LIN28A: variants seen among roughly 807,000 people sequenced by gnomAD.
LIN28A encodes lin-28 RNA binding posttranscriptional regulator A, also known as protein lin-28 homolog A.
In LIN28A, 11 loss-of-function variants were observed where a neutral mutation model predicts 21.1. That is an observed-to-expected ratio of 0.52 (90% CI 0.33 to 0.86). The LOEUF is 0.86. LIN28A is among the 40% of genes least tolerant of loss of function. The pLI, the probability that LIN28A is intolerant of heterozygous loss-of-function variation, is 0.03. For missense variants in LIN28A, 219 were observed against 279.8 expected (o/e 0.78, Z 1.55); for synonymous variants, 111 against 108.7 (o/e 1.02, Z -0.13).
At chr1:26,410,953 T>G in intron 1 of LIN28A, 31 bp downstream of exon 1, 5 of 1,600,450 alleles carry the variant, frequency 3.1e-6, no homozygotes, top group Non-Finnish European at 3.4e-6. Flanking sequence ...GGGGACACTT[T>G]AGGATTCAGG....
rs564027543 is a variant in LIN28A, at chr1:26,427,329, G to A, written c.*871G>A. ...ACTTTTTGTTGTTTTTGCCACCGTG[G>A]AGAGCAACTATTTGGAGTGCACAGC... On this transcript the variant is annotated 3_prime_UTR_variant, in exon 4 of 4. Coordinates refer to ENST00000326279, the MANE Select transcript of LIN28A (RefSeq NM_024674.6). 2.6e-5 allele frequency: 4 copies of A among 152,660 alleles called. No homozygotes were observed. The highest frequency in any genetic ancestry group is 6.5e-5 in the Admixed American group (1 of 15,284). The allele number at this position is 152,660 out of a possible 1,614,324, so 9.5% of individuals were successfully genotyped here. A position where few individuals can be genotyped will look rare whatever the true frequency, so the allele number is the denominator to read the frequency against.
At chr1:26,412,751 T>G (rs2074968592) in intron 2 of LIN28A, among the ~76,000 whole-genome samples, 1 of 150,774 alleles carries the variant, frequency 6.6e-6, no homozygotes, top group South Asian at 2.1e-4. Context: ...GGGGGAGGGG[T>G]AGAGAAGGGA....
At chr1:26,412,683 G>A (rs2074968189) in intron 2 of LIN28A, among the ~76,000 whole-genome samples, 1 of 152,090 alleles carries the variant, frequency 6.6e-6, no homozygotes, top group South Asian at 2.1e-4. Context: ...GAGGTGTGGG[G>A]GAGGGGAAAG....
intron 2 of LIN28A, among the ~76,000 whole-genome samples, chr1:26,420,802 G>A (rs905185051): frequency 2.6e-5 from 4 of 151,968 alleles, no homozygotes; most frequent in South Asian, 4.2e-4. Flanking sequence ...TTTCTATGAC[G>A]ACTACTCCTT....
At position 26,426,651 on chromosome 1, in the gene LIN28A, G is replaced by A; in HGVS notation, c.*193G>A. 1 of 583,010 alleles carries A rather than the reference G, an allele frequency of 1.7e-6. No homozygotes were observed. Among genetic ancestry groups the A allele is most frequent in the Non-Finnish European group, 3.1e-6 (1 of 320,018 alleles). 36.1% of individuals were successfully genotyped at this position (583,010 alleles called of 1,614,324 possible). On this transcript the variant is annotated 3_prime_UTR_variant, in exon 4 of 4. Transcript: ENST00000326279. ...GTCAAAGGAACTCCAACCATGCTCT[G>A]TCCAAATGCAAGTGAGGGTTCTGGG...
chr1:26,415,114 A>G (rs1389462011), intron 2 of LIN28A, among the ~76,000 whole-genome samples: 1 of 152,164 alleles, frequency 6.6e-6, no homozygotes, highest in African/African-American at 2.4e-5. Context: ...TCAATCTCAA[A>G]TATGTTTAAA....
intron 2 of LIN28A, among the ~76,000 whole-genome samples, chr1:26,412,565 T>C (rs966818884): frequency 6.6e-6 from 1 of 151,984 alleles, no homozygotes; most frequent in Non-Finnish European, 1.5e-5. Flanking sequence ...CCTTCCATCT[T>C]TGGAGGTTTG....
At chr1:26,424,679 G>A (rs962973315) in intron 2 of LIN28A, among the ~76,000 whole-genome samples, 1 of 151,824 alleles carries the variant, frequency 6.6e-6, no homozygotes, top group Non-Finnish European at 1.5e-5. Flanking sequence ...TTTAAATTTC[G>A]TAATTTTATA....
rs375419502 is a variant in LIN28A at position 26,415,333 on chromosome 1, G to C, written c.228+3751G>C. ...ATTCAGGGTCTAGGTTAGGACTGCT[G>C]GGTTTGGTGTTAGGGTTGCGGGGGC... On this transcript the variant is annotated intron_variant, in intron 2 of 3. Coordinates refer to ENST00000326279, the MANE Select transcript of LIN28A (RefSeq NM_024674.6). Among the ~76,000 whole-genome samples the C allele has an allele frequency of 4.6e-5, 7 of 152,290 alleles. No individual in the cohort carries two copies. The South Asian group carries it at 1.5e-3, about 32-fold the overall frequency.
rs1367950086 is a variant in LIN28A at position 26,411,897 on chromosome 1, T to C, written c.228+315T>C. The stretch of plus-strand genomic sequence containing the variant: ...CATGTGGCAGAAACTAAGGTTGTAT[T>C]GTGCTTGCCGGTGGGGGGAGGGCGA... On this transcript the variant is annotated intron_variant, in intron 2 of 3. Coordinates refer to ENST00000326279, the MANE Select transcript of LIN28A (RefSeq NM_024674.6). The surrounding 1 kb of genome is among the most constrained non-coding windows in gnomAD (Gnocchi z 5.4). Among the ~76,000 whole-genome samples, 2 of 152,078 alleles carry C rather than the reference T, an allele frequency of 1.3e-5. No homozygotes were observed. Among genetic ancestry groups the C allele is most frequent in the Non-Finnish European group, 2.9e-5 (2 of 67,994 alleles).
In LIN28A at chr1:26,426,494, G is replaced by C; in HGVS notation, c.*36G>C. 6.4e-7 allele frequency: 1 copy of C among 1,554,708 alleles called. No individual in the cohort carries two copies. Among genetic ancestry groups the C allele is most frequent in the South Asian group, 1.1e-5 (1 of 89,434 alleles). On this transcript the variant is annotated 3_prime_UTR_variant, in exon 4 of 4. Transcript: ENST00000326279. ...GTGGGGGCTATTCTTTTGCTATCAG[G>C]AAGTTTTGAGGAGCAGGCAGAGTGG...
chr1:26,418,875 ACCATAACC>A (rs1345604182), intron 2 of LIN28A, among the ~76,000 whole-genome samples: 2 of 151,906 alleles, frequency 1.3e-5, no homozygotes, highest in Non-Finnish European at 2.9e-5. Context: ...CTCTCCCGTG[ACCATAACC>A]CCAACATAGA....
At chr1:26,418,506 ACTGCACTCCGGC>A (rs1302026282) in intron 2 of LIN28A, among the ~76,000 whole-genome samples, 1 of 151,456 alleles carries the variant, frequency 6.6e-6, no homozygotes, top group African/African-American at 2.4e-5. Flanking sequence ...AGATTGTGCC[ACTGCACTCCGGC>A]CTGGGCAACA....
chr1:26,424,344 C>CA (rs1278559478), intron 2 of LIN28A, among the ~76,000 whole-genome samples: 1 of 152,062 alleles, frequency 6.6e-6, no homozygotes, highest in Non-Finnish European at 1.5e-5. Flanking sequence ...GGGGTTCAAG[C>CA]AACTCTCCTG....
chr1:26,414,768 G>C (rs1180319449), intron 2 of LIN28A, among the ~76,000 whole-genome samples: 1 of 152,154 alleles, frequency 6.6e-6, no homozygotes, highest in African/African-American at 2.4e-5. Flanking sequence ...ATGTACAGCA[G>C]TATTCCTGGT....
chr1:26,411,471 C>T lies in LIN28A; in HGVS notation c.117C>T (p.His39=). 6.2e-7 allele frequency: 1 copy of T among 1,613,832 alleles called. No individual in the cohort carries two copies. Among genetic ancestry groups the T allele is most frequent in the Non-Finnish European group, 8.5e-7 (1 of 1,179,878 alleles). ...CGGCGGACGAGCCTCAGCTGCTGCA[C>T]GGTGCGGGCATCTGTAAGTGGTTCA... ...ARAADEPQLL[H]GAGICKWFNV... Residue 39 remains histidine, a synonymous_variant, in exon 2 of 4, where the codon CAC becomes CAT. Transcript: ENST00000326279. The surrounding 1 kb of genome is among the most constrained non-coding windows in gnomAD (Gnocchi z 5.4).
At chr1:26,423,663 C>T (rs1381140948) in intron 2 of LIN28A, among the ~76,000 whole-genome samples, 3 of 151,276 alleles carry the variant, frequency 2.0e-5, no homozygotes, top group African/African-American at 4.9e-5. Flanking sequence ...ATGCCCGCCT[C>T]GGCTTCCCAA....
intron 2 of LIN28A, among the ~76,000 whole-genome samples, chr1:26,415,603 G>A (rs1233738284): frequency 6.6e-6 from 1 of 151,892 alleles, no homozygotes; most frequent in Non-Finnish European, 1.5e-5. Context: ...AGCAGTCTGG[G>A]GTCCATGTTG....
At position 26,410,875 on chromosome 1, in the gene LIN28A, G is replaced by T; in HGVS notation, c.-17G>T. ...CGCCCGACCAGGGGCCCGGGGCCAC[G>T]GGCTCAGCCGACGACCATGGGCTCC... On this transcript the variant is annotated 5_prime_UTR_variant, in exon 1 of 4. Transcript: ENST00000326279. 1 of 1,611,916 alleles carries T rather than the reference G, an allele frequency of 6.2e-7. No homozygotes were observed. Among genetic ancestry groups the T allele is most frequent in the Non-Finnish European group, 8.5e-7 (1 of 1,179,346 alleles).
Sources: gnomAD v4.1 joint callset for allele counts (sites outside exome capture counted in the v4.1 genomes callset) on GRCh38, gnomAD v4.1.1 for gene constraint, Gnocchi (gnomAD v3.1) non-coding constraint, MANE v1.5 for transcripts, NCBI Gene and HGNC (gene_info 2026-07-23, HGNC 2026-07-21) for gene names.